Variants in LMO1 observed in about 807,000 individuals in gnomAD.
The protein encoded by LMO1 is LIM domain only 1.
LMO1 carries 10 observed loss-of-function variants against 18.0 expected under a neutral mutation model. That is an observed-to-expected ratio of 0.55 (90% CI 0.34 to 0.94). The LOEUF (loss-of-function observed/expected upper bound fraction) is 0.94. Ranked by LOEUF, LMO1 falls within the 40% of genes least tolerant of loss-of-function variation. The pLI is 0.02. For synonymous variants in LMO1, 77 were observed against 77.9 expected (o/e 0.99, Z 0.06); for missense variants, 183 against 205.7 (o/e 0.89, Z 0.68).
Position 8,263,396 on chromosome 11 carries a change from C to T in LMO1, c.-34G>A, listed in dbSNP as rs368860054. ...CTCCGTGTCCAGCCGCAGCTAGGCT[C>T]GGCCGGGAGAAGGGCGCCGACTCGG... On this transcript the variant is annotated 5_prime_UTR_variant, in exon 1 of 4. Transcript: ENST00000335790. 11 of 1,598,292 alleles carry T rather than the reference C, an allele frequency of 6.9e-6. No homozygotes were observed. The highest frequency in any genetic ancestry group is 8.5e-6 in the Non-Finnish European group (10 of 1,176,338).
At chr11:8,268,128 G>A (rs1847279442), upstream of LMO1, among the ~76,000 whole-genome samples, 1 of 152,268 alleles carries the variant, frequency 6.6e-6, no homozygotes, top group South Asian at 2.1e-4. Flanking sequence ...AAGGCGGCAA[G>A]AGTCCGTGAG....
chr11:8,258,715 G>A (rs748236298), intron 1 of LMO1, among the ~76,000 whole-genome samples: 7 of 152,214 alleles, frequency 4.6e-5, no homozygotes, highest in Admixed American at 1.3e-4. Context: ...TCAATTACTC[G>A]GGAGGGATGA....
intron 1 of LMO1, among the ~76,000 whole-genome samples, chr11:8,253,928 A>C (rs1847047094): frequency 6.6e-6 from 1 of 152,168 alleles, no homozygotes; most frequent in Admixed American, 6.5e-5. Flanking sequence ...GGCCGACAGA[A>C]TGCCTCCCCT....
At position 8,230,518 on chromosome 11, in the gene LMO1, G is replaced by T; in HGVS notation, c.26-14C>A. On this transcript the variant is annotated splice_polypyrimidine_tract_variant and intron_variant, in intron 1 of 3. Coordinates refer to ENST00000335790, the MANE Select transcript of LMO1 (RefSeq NM_002315.3). ...GCATCGGCACGCCTGCAGACGGACA[G>T]ACAGACAGCAACGCAGGATGGGCCC... is the stretch of plus-strand genomic sequence containing the variant. 6.2e-7 allele frequency: 1 copy of T among 1,608,574 alleles called. No individual in the cohort carries two copies.
At chr11:8,261,319 G>T (rs1847182604) in intron 1 of LMO1, among the ~76,000 whole-genome samples, 1 of 152,164 alleles carries the variant, frequency 6.6e-6, no homozygotes, top group South Asian at 2.1e-4. Flanking sequence ...ATCTGCCCAG[G>T]GTGCTTGAGG....
rs370760526 is a variant in LMO1 at position 8,260,531 on chromosome 11, C to T, written c.25+2807G>A. 2.6e-5 allele frequency among the ~76,000 whole-genome samples: 4 copies of T among 152,022 alleles called. No homozygotes were observed. In the East Asian group the frequency reaches 5.8e-4, roughly 22 times the overall value. On this transcript the variant is annotated intron_variant, in intron 1 of 3. Transcript: ENST00000335790. ...GTCTCTGTGGTGACCCTTCACTGCT[C>T]GACCTAATGGATTACTTTATTAATA...
intron 1 of LMO1, among the ~76,000 whole-genome samples, chr11:8,241,072 C>T (rs1846783672): frequency 6.6e-6 from 1 of 152,146 alleles, no homozygotes; most frequent in African/African-American, 2.4e-5. Context: ...CTTTGGTTGT[C>T]TCTAGAAAGT....
Position 8,232,766 on chromosome 11 carries a change from C to T in LMO1, c.26-2262G>A, listed in dbSNP as rs556103335. On this transcript the variant is annotated intron_variant, in intron 1 of 3. Transcript: ENST00000335790. ...AACATGGGTGAATGGCTGGAACCTC[C>T]GTACTCAGGGGAGACCCTAGCCCAC... 4.6e-5 allele frequency among the ~76,000 whole-genome samples: 7 copies of T among 152,282 alleles called. No homozygotes were observed. The South Asian group carries it at 6.2e-4, about 14-fold the overall frequency.
chr11:8,267,387 A>G (rs1316013746), upstream of LMO1, among the ~76,000 whole-genome samples: 1 of 152,210 alleles, frequency 6.6e-6, no homozygotes, highest in African/African-American at 2.4e-5. Flanking sequence ...TGGGCCAGAG[A>G]GGAAGGCCAG....
intron 1 of LMO1, among the ~76,000 whole-genome samples, chr11:8,235,954 G>A (rs142785615): frequency 3.9e-5 from 6 of 152,344 alleles, no homozygotes; most frequent in Admixed American, 6.5e-5. Context: ...GCAACGAACT[G>A]ATTTGATTGT....
At chr11:8,249,040 C>T (rs536964953) in intron 1 of LMO1, among the ~76,000 whole-genome samples, 12 of 152,236 alleles carry the variant, frequency 7.9e-5, no homozygotes, top group Non-Finnish European at 1.2e-4. Context: ...GTCTACCTTC[C>T]CTGGAGCTCA....
chr11:8,234,810 G>C (rs989821579), intron 1 of LMO1, among the ~76,000 whole-genome samples: 1 of 152,258 alleles, frequency 6.6e-6, no homozygotes, highest in Admixed American at 6.5e-5. Context: ...TTGTGTCCCG[G>C]GGCCTTCACT....
upstream of LMO1, among the ~76,000 whole-genome samples, chr11:8,268,113 C>T (rs972252028): frequency 3.9e-5 from 6 of 152,254 alleles, no homozygotes; most frequent in African/African-American, 1.4e-4. Flanking sequence ...GCTCCGGATG[C>T]CCGCAAGGCG....
At chr11:8,268,336 T>C, upstream of LMO1, 1 of 1,162,360 alleles carries the variant, frequency 8.6e-7, no homozygotes. Flanking sequence ...CTGCCGCCGC[T>C]AGCGGGGTGG....
rs979285075 is a variant in LMO1 at position 8,226,863 on chromosome 11, C to G, written c.365+112G>C. The G allele has an allele frequency of 1.2e-5, 18 of 1,447,900 alleles. No homozygotes were observed. In the African/African-American group the frequency reaches 2.3e-4, roughly 18 times the overall value. The allele number at this position is 1,447,900 out of a possible 1,614,324, so 89.7% of individuals were successfully genotyped here. On this transcript the variant is annotated intron_variant, in intron 3 of 3. Coordinates refer to ENST00000335790, the MANE Select transcript of LMO1 (RefSeq NM_002315.3). ...CATAACCTGCACGCACCACCACATA[C>G]ACACACGCAACCCGCATTTGCGTGC...
At chr11:8,241,146 C>A (rs548701379) in intron 1 of LMO1, among the ~76,000 whole-genome samples, 5 of 152,278 alleles carry the variant, frequency 3.3e-5, no homozygotes, top group African/African-American at 1.2e-4. Context: ...CCAAACCTGG[C>A]CCCTGTACCC....
At chr11:8,257,294 TCA>T (rs1468206433) in intron 1 of LMO1, among the ~76,000 whole-genome samples, 1 of 152,148 alleles carries the variant, frequency 6.6e-6, no homozygotes, top group Non-Finnish European at 1.5e-5. Flanking sequence ...CTTGCATGTC[TCA>T]GTGTCCTCCA....
At chr11:8,237,952 T>C (rs970358037) in intron 1 of LMO1, among the ~76,000 whole-genome samples, 2 of 152,258 alleles carry the variant, frequency 1.3e-5, no homozygotes, top group Non-Finnish European at 2.9e-5. Flanking sequence ...GAGGATTAAA[T>C]TGGATAATCA....
intron 3 of LMO1, among the ~76,000 whole-genome samples, chr11:8,225,985 G>A (rs1031815980): frequency 6.6e-6 from 1 of 152,244 alleles, no homozygotes; most frequent in Non-Finnish European, 1.5e-5. Flanking sequence ...CACAGGGCTA[G>A]GGCACAGAGT....
Sources: allele counts gnomAD v4.1 joint callset (sites outside exome capture counted in the v4.1 genomes callset), GRCh38; gene constraint gnomAD v4.1.1; transcripts MANE v1.5; gene names NCBI Gene and HGNC (gene_info 2026-07-23, HGNC 2026-07-21).